Variants in TLK2 observed in about 807,000 individuals in gnomAD.
TLK2 encodes serine/threonine-protein kinase tousled-like 2.
In TLK2, 6 loss-of-function variants were observed where a neutral mutation model predicts 117.3. The observed-to-expected ratio is 0.05, with a 90% confidence interval of 0.03 to 0.10. TLK2 has a LOEUF of 0.10. Among genes scored for constraint, TLK2 ranks in the 10% least tolerant of loss-of-function variants. The probability of loss-of-function intolerance (pLI) is 1.00; values close to 1 mark genes in which losing one functional copy is unlikely to be tolerated. For missense variants in TLK2, 299 were observed against 901.2 expected (o/e 0.33, Z 8.56); for synonymous variants, 257 against 316.7 (o/e 0.81, Z 2.00).
chr17:62,516,814 G>T, intron 2 of TLK2: 1 of 1,111,588 alleles, frequency 9.0e-7, no homozygotes, highest in Non-Finnish European at 1.3e-6. Flanking sequence ...GCTAGTTTTA[G>T]TTCTTATGTT....
intron 2 of TLK2, among the ~76,000 whole-genome samples, chr17:62,482,079 G>T (rs2071725160): frequency 6.6e-6 from 1 of 151,850 alleles, no homozygotes; most frequent in African/African-American, 2.4e-5. Flanking sequence ...CTCCTGAGTA[G>T]CTGGGATTAC....
At chr17:62,602,248 A>G (rs2082924812) in intron 19 of TLK2, 68 bp downstream of exon 19, 3 of 1,521,036 alleles carry the variant, frequency 2.0e-6, no homozygotes, top group African/African-American at 1.4e-5. Context: ...AGTGTTGATA[A>G]TGAATTAATT....
At chr17:62,585,945 G>C (rs1050254593) in intron 15 of TLK2, 190 bp from the exon 16 acceptor site, 2 of 481,968 alleles carry the variant, frequency 4.1e-6, no homozygotes, top group African/African-American at 3.9e-5. Flanking sequence ...TGGTGCCAGT[G>C]TGTCTGGAGA....
intron 20 of TLK2, among the ~76,000 whole-genome samples, chr17:62,607,650 T>C (rs900729433): frequency 1.3e-5 from 2 of 152,180 alleles, no homozygotes; most frequent in Admixed American, 6.6e-5. Flanking sequence ...CTTCTCTTTT[T>C]CTGTTTTTTG....
chr17:62,502,408 G>T (rs553823782), intron 2 of TLK2, among the ~76,000 whole-genome samples: 1 of 152,098 alleles, frequency 6.6e-6, no homozygotes, highest in Non-Finnish European at 1.5e-5. Context: ...CTGATAAAAG[G>T]CATTTATGAA....
At chr17:62,505,359 T>C (rs2074581980) in intron 2 of TLK2, among the ~76,000 whole-genome samples, 1 of 146,992 alleles carries the variant, frequency 6.8e-6, no homozygotes, top group African/African-American at 2.5e-5. Flanking sequence ...TCCTCACAAC[T>C]CAGCCTTCTA....
chr17:62,601,357 A>G (rs1253043080), intron 18 of TLK2, among the ~76,000 whole-genome samples: 1 of 152,190 alleles, frequency 6.6e-6, no homozygotes, highest in Non-Finnish European at 1.5e-5. Flanking sequence ...AAATCTGCAT[A>G]GTTCTATAGA....
intron 9 of TLK2, among the ~76,000 whole-genome samples, chr17:62,554,127 T>G (rs2078674180): frequency 6.6e-6 from 1 of 152,256 alleles, no homozygotes; most frequent in Non-Finnish European, 1.5e-5. Context: ...TAGCCCATTT[T>G]GCTTTTTGTA....
intron 11 of TLK2, among the ~76,000 whole-genome samples, chr17:62,568,361 G>A (rs1003465972): frequency 2.6e-5 from 4 of 150,944 alleles, no homozygotes; most frequent in Non-Finnish European, 5.9e-5. Context: ...GAACATGGGA[G>A]GCAGAGGTTG....
intron 2 of TLK2, among the ~76,000 whole-genome samples, chr17:62,514,453 T>A (rs868459792): frequency 5.4e-5 from 8 of 148,042 alleles, no homozygotes; most frequent in African/African-American, 1.2e-4. Context: ...CAATAATAAT[T>A]AAAAAAAAAA....
intron 4 of TLK2, 87 bp from the exon 5 acceptor site, chr17:62,523,046 TG>T: frequency 1.5e-6 from 2 of 1,307,266 alleles, no homozygotes; most frequent in Non-Finnish European, 1.0e-6. Context: ...TAGCAATGTA[TG>T]TAGTTACTGA....
At chr17:62,593,407 CT>C (rs905165992) in intron 16 of TLK2, among the ~76,000 whole-genome samples, 1 of 152,006 alleles carries the variant, frequency 6.6e-6, no homozygotes, top group Admixed American at 6.6e-5. Context: ...TAGAAACTGC[CT>C]TTTTTTAACC....
At chr17:62,478,248 G>A (rs1399265831), upstream of TLK2, among the ~76,000 whole-genome samples, 1 of 151,728 alleles carries the variant, frequency 6.6e-6, no homozygotes, top group Non-Finnish European at 1.5e-5. Context: ...CTCACACATA[G>A]GATTAGCGTC....
intron 17 of TLK2, among the ~76,000 whole-genome samples, chr17:62,597,684 G>A (rs760794198): frequency 2.0e-5 from 3 of 152,192 alleles, no homozygotes; most frequent in Non-Finnish European, 4.4e-5. Context: ...GTTAGAATAG[G>A]AAGGGATCTC....
chr17:62,610,285 C>T (rs1042192050), intron 21 of TLK2, among the ~76,000 whole-genome samples: 2 of 152,354 alleles, frequency 1.3e-5, no homozygotes, highest in South Asian at 4.1e-4. Context: ...TAATCCTACC[C>T]TCTTCTCTTC....
chr17:62,541,376 T>G (rs1567881209), intron 7 of TLK2, among the ~76,000 whole-genome samples: 2 of 152,214 alleles, frequency 1.3e-5, no homozygotes, highest in Non-Finnish European at 2.9e-5. Context: ...TAATTATATG[T>G]TGCATGAGTT....
At chr17:62,522,108 C>A (rs1328915840) in intron 3 of TLK2, 96 bp from the exon 4 acceptor site, 6 of 1,285,572 alleles carry the variant, frequency 4.7e-6, no homozygotes, top group Non-Finnish European at 6.5e-6. Flanking sequence ...CCAGTTATAT[C>A]TGTTTATATA....
At chr17:62,596,477 T>G in intron 16 of TLK2, 108 bp from the exon 17 acceptor site, 1 of 820,716 alleles carries the variant, frequency 1.2e-6, no homozygotes, top group Non-Finnish European at 2.0e-6. Flanking sequence ...TGAATGGAAT[T>G]AACATGTGGA....
At chr17:62,480,946 A>G (rs547996339) in intron 1 of TLK2, among the ~76,000 whole-genome samples, 175 bp from the exon 2 acceptor site, 4 of 152,322 alleles carry the variant, frequency 2.6e-5, no homozygotes, top group East Asian at 1.9e-4. Context: ...AAACTTTTCA[A>G]TATATTACTG....
Sources: gnomAD v4.1 joint callset for allele counts (sites outside exome capture counted in the v4.1 genomes callset) on GRCh38, gnomAD v4.1.1 for gene constraint, MANE v1.5 for transcripts, NCBI Gene and HGNC (gene_info 2026-07-23, HGNC 2026-07-21) for gene names.